The following LRFN5 variants were observed in gnomAD, a reference collection of about 807,000 sequenced individuals.
The protein encoded by LRFN5 is leucine-rich repeat and fibronectin type-III domain-containing protein 5.
LRFN5 carries 24 observed loss-of-function variants against 45.6 expected under a neutral mutation model. The observed-to-expected ratio is 0.53, with a 90% CI of 0.38 to 0.74. LRFN5 has a LOEUF of 0.74. Among genes scored for constraint, LRFN5 ranks in the 30% least tolerant of loss-of-function variants. LRFN5 has a pLI of 0.00. For synonymous variants in LRFN5, 340 were observed against 313.8 expected (o/e 1.08, Z -0.88); for missense variants, 776 against 861.5 (o/e 0.90, Z 1.24).
At chr14:41,784,870 C>A (rs2138928071) in intron 2 of LRFN5, among the ~76,000 whole-genome samples, 1 of 152,260 alleles carries the variant, frequency 6.6e-6, no homozygotes, top group Middle Eastern at 3.4e-3. Flanking sequence ...CTCAGGTGAT[C>A]TGTCAGCCTC....
At chr14:41,656,016 A>T (rs1880363328) in intron 1 of LRFN5, among the ~76,000 whole-genome samples, 1 of 151,952 alleles carries the variant, frequency 6.6e-6, no homozygotes, top group Non-Finnish European at 1.5e-5. Flanking sequence ...TGACTTCTAG[A>T]TTTCAAGTTG....
intron 1 of LRFN5, among the ~76,000 whole-genome samples, chr14:41,718,797 T>C (rs1467254054): frequency 2.6e-5 from 4 of 152,204 alleles, no homozygotes; most frequent in African/African-American, 7.2e-5. Flanking sequence ...TTAAACACTT[T>C]AGTGATTGAC....
At chr14:41,631,797 A>G (rs1029650618) in intron 1 of LRFN5, among the ~76,000 whole-genome samples, 4 of 152,198 alleles carry the variant, frequency 2.6e-5, no homozygotes, top group Non-Finnish European at 5.9e-5. Flanking sequence ...TGGTTATAAA[A>G]TAGCCAAAGG....
At chr14:41,776,362 G>T (rs1413696568) in intron 2 of LRFN5, among the ~76,000 whole-genome samples, 1 of 152,062 alleles carries the variant, frequency 6.6e-6, no homozygotes, top group Non-Finnish European at 1.5e-5. Context: ...TAGTTACCAC[G>T]TGAGTATCCC....
At chr14:41,619,998 T>C (rs899204970) in intron 1 of LRFN5, among the ~76,000 whole-genome samples, 1 of 152,094 alleles carries the variant, frequency 6.6e-6, no homozygotes, top group East Asian at 1.9e-4. Flanking sequence ...AAAGAATAAT[T>C]GCAAATATTT....
chr14:41,634,772 A>T (rs1363418230), intron 1 of LRFN5, among the ~76,000 whole-genome samples: 2 of 152,008 alleles, frequency 1.3e-5, no homozygotes, highest in Non-Finnish European at 2.9e-5. Context: ...TTCAGTTTTG[A>T]TTCCTTTTTG....
chr14:41,758,300 A>G (rs1885501581), intron 1 of LRFN5, among the ~76,000 whole-genome samples: 1 of 152,162 alleles, frequency 6.6e-6, no homozygotes, highest in South Asian at 2.1e-4. Flanking sequence ...TATCTTTTCT[A>G]TTAATGAATG....
chr14:41,896,204 A>G, intron 4 of LRFN5, among the ~76,000 whole-genome samples: 1 of 152,326 alleles, frequency 6.6e-6, no homozygotes, highest in Middle Eastern at 3.4e-3. Flanking sequence ...AATATAAAGT[A>G]TCATCTTTTG....
chr14:41,835,583 G>C (rs139184734), intron 2 of LRFN5, among the ~76,000 whole-genome samples: 299 of 152,146 alleles, frequency 2.0e-3, no homozygotes, highest in African/African-American at 7.0e-3. Flanking sequence ...AAACTTAGTT[G>C]GGCATGGTGG....
chr14:41,807,143 C>T (rs1887552722), intron 2 of LRFN5, among the ~76,000 whole-genome samples: 1 of 152,086 alleles, frequency 6.6e-6, no homozygotes, highest in Non-Finnish European at 1.5e-5. Context: ...ATGTGTAATG[C>T]AAACATCCAG....
intron 1 of LRFN5, among the ~76,000 whole-genome samples, chr14:41,759,478 CACACACACACACACACACACAGAG>C (rs1885561028): frequency 3.2e-5 from 4 of 126,872 alleles, no homozygotes; most frequent in African/African-American, 1.3e-4. Flanking sequence ...CACACACACA[CACACACACACACACACACACAGAG>C]AGAGCACCAG....
chr14:41,816,376 T>A (rs932554086), intron 2 of LRFN5, among the ~76,000 whole-genome samples: 7 of 152,102 alleles, frequency 4.6e-5, no homozygotes. Context: ...CTGTTTTATT[T>A]CCTTCTTTAT....
chr14:41,881,951 G>T (rs532483381), intron 2 of LRFN5, among the ~76,000 whole-genome samples: 1 of 152,062 alleles, frequency 6.6e-6, no homozygotes, highest in African/African-American at 2.4e-5. Context: ...AATATCTGGG[G>T]TGTCTCTGGA....
intron 2 of LRFN5, among the ~76,000 whole-genome samples, chr14:41,796,582 T>C (rs1376865908): frequency 6.6e-6 from 1 of 151,988 alleles, no homozygotes; most frequent in African/African-American, 2.4e-5. Context: ...TTATAAGTAC[T>C]TTAGTATATC....
chr14:41,718,021 G>A (rs1346193103), intron 1 of LRFN5, among the ~76,000 whole-genome samples: 1 of 152,006 alleles, frequency 6.6e-6, no homozygotes, highest in Non-Finnish European at 1.5e-5. Flanking sequence ...GAGACTTTTT[G>A]TCTCCAAAAC....
chr14:41,814,457 A>G (rs1308667358), intron 2 of LRFN5, among the ~76,000 whole-genome samples: 1 of 152,158 alleles, frequency 6.6e-6, no homozygotes, highest in African/African-American at 2.4e-5. Context: ...CCTATTTACA[A>G]AGATTTACTG....
At chr14:41,746,153 C>T (rs1047349634) in intron 1 of LRFN5, among the ~76,000 whole-genome samples, 1 of 151,864 alleles carries the variant, frequency 6.6e-6, no homozygotes, top group Non-Finnish European at 1.5e-5. Flanking sequence ...GATTATATAC[C>T]GACTGACTGT....
intron 2 of LRFN5, among the ~76,000 whole-genome samples, chr14:41,834,052 A>G (rs1350759994): frequency 6.6e-6 from 1 of 152,202 alleles, no homozygotes; most frequent in Non-Finnish European, 1.5e-5. Context: ...AGGAAGAACT[A>G]GAGAACATTT....
At chr14:41,640,860 A>C (rs1329679089) in intron 1 of LRFN5, among the ~76,000 whole-genome samples, 2 of 152,106 alleles carry the variant, frequency 1.3e-5, no homozygotes, top group East Asian at 1.9e-4. Context: ...GGGATTCTCT[A>C]TCTTAATGAC....
Sources: allele counts gnomAD v4.1 joint callset (sites outside exome capture counted in the v4.1 genomes callset), GRCh38; gene constraint gnomAD v4.1.1; transcripts MANE v1.5; gene names NCBI Gene and HGNC (gene_info 2026-07-23, HGNC 2026-07-21).